Variants in TTC23L observed in about 807,000 individuals in gnomAD.
TTC23L encodes the protein tetratricopeptide repeat domain 23 like, also known as tetratricopeptide repeat protein 23-like.
TTC23L carries 42 observed loss-of-function variants against 48.1 expected under a neutral mutation model. The ratio of observed to expected loss-of-function variants is 0.87; its 90% CI spans 0.68 to 1.13. The LOEUF (loss-of-function observed/expected upper bound fraction) is 1.13, where lower values mean the gene tolerates loss of function less well. Ranked by LOEUF, TTC23L falls within the 50% of genes most tolerant of loss-of-function variation. The pLI is 0.00. For missense variants in TTC23L, 391 were observed against 421.0 expected, an observed-to-expected ratio of 0.93 and a Z score of 0.62; for synonymous variants, 159 against 157.2, an observed-to-expected ratio of 1.01 and a Z score of -0.09.
the TTC23L span, chr5:34,915,559 C>A: frequency 1.4e-6 from 1 of 715,084 alleles, no homozygotes; most frequent in Non-Finnish European, 2.2e-6. Context: ...ACCGTCACCA[C>A]AGAGCTGAAG....
chr5:34,885,372 G>A (rs996206648), intron 9 of TTC23L, among the ~76,000 whole-genome samples: 1 of 152,192 alleles, frequency 6.6e-6, no homozygotes, highest in Non-Finnish European at 1.5e-5. Flanking sequence ...TTGTATTGAT[G>A]TAAGATTTCT....
At chr5:34,879,700 T>A (rs1762087614) in intron 8 of TTC23L, among the ~76,000 whole-genome samples, 2 of 152,128 alleles carry the variant, frequency 1.3e-5, no homozygotes, top group African/African-American at 4.8e-5. Context: ...TCTGATGTCA[T>A]TAAATCACAT....
the TTC23L span, chr5:34,925,500 A>G: frequency 8.6e-5 from 138 of 1,599,444 alleles, no homozygotes; most frequent in Non-Finnish European, 1.0e-4. Context: ...AAATAAGTCA[A>G]TGGAAACCTG....
chr5:34,866,992 A>C lies in TTC23L; in HGVS notation c.763A>C (p.Ile255Leu). The C allele has an allele frequency of 1.9e-6, 3 of 1,611,892 alleles. No homozygotes were observed. The South Asian group carries it at 3.3e-5, about 18-fold the overall frequency. ...CAAGGGTGATAGGACGTCAGATCTGATCAGCCTGTACGAGGAAGCTGCTCA... is the reference window on the plus strand; with the variant it reads ...CAAGGGTGATAGGACGTCAGATCTGCTCAGCCTGTACGAGGAAGCTGCTCA... Residue 255 changes from isoleucine (I) to leucine (L), a missense_variant, in exon 7 of 11, where the codon ATC becomes CTC. By Grantham distance (5) the Ile-to-Leu change is conservative. Transcript: ENST00000505624.
At chr5:34,868,690 C>T (rs1348426188) in intron 7 of TTC23L, 16 of 469,920 alleles carry the variant, frequency 3.4e-5, no homozygotes, top group East Asian at 1.5e-4. Flanking sequence ...TGATGAGCAC[C>T]GTGCCCTGTG....
chr5:34,846,602 C>A (rs1171493976), intron 3 of TTC23L, among the ~76,000 whole-genome samples: 2 of 123,826 alleles, frequency 1.6e-5, no homozygotes, highest in African/African-American at 3.3e-5. Context: ...TATATATATA[C>A]ACACACATAT....
chr5:34,917,054 A>T, the TTC23L span, among the ~76,000 whole-genome samples: 1 of 152,314 alleles, frequency 6.6e-6, no homozygotes, highest in Admixed American at 6.5e-5. Context: ...AAGATAAAGA[A>T]TCATGAAGGA....
chr5:34,922,579 G>T, the TTC23L span: 3 of 1,606,862 alleles, frequency 1.9e-6, no homozygotes, highest in East Asian at 4.5e-5. Flanking sequence ...TAAATTCCTT[G>T]TTCAAAATAG....
chr5:34,862,993 A>C, exon 5 of TTC23L: 1 of 1,613,976 alleles, frequency 6.2e-7, no homozygotes, highest in East Asian at 2.2e-5. Context: ...GAAAGAGGAA[A>C]TCCTGGAAGC....
At chr5:34,899,057 C>A (rs1280670594) in intron 10 of TTC23L, among the ~76,000 whole-genome samples, 1 of 152,124 alleles carries the variant, frequency 6.6e-6, no homozygotes, top group Non-Finnish European at 1.5e-5. Flanking sequence ...ATATAAAAGG[C>A]CCTAAATTAG....
At chr5:34,869,194 C>T (rs1761273975) in intron 8 of TTC23L, 181 bp downstream of exon 8, 3 of 524,074 alleles carry the variant, frequency 5.7e-6, no homozygotes, top group South Asian at 2.1e-5. Context: ...CCCCCACATT[C>T]GTTGGAATGT....
chr5:34,925,515 GT>G, the TTC23L span: 1 of 1,590,176 alleles, frequency 6.3e-7, no homozygotes, highest in Non-Finnish European at 8.6e-7. Context: ...AACCTGATTT[GT>G]TTTTCAGTTA....
At chr5:34,909,217 C>A in the TTC23L span, 1 of 1,406,176 alleles carries the variant, frequency 7.1e-7, no homozygotes, top group South Asian at 1.2e-5. Context: ...TATTTAACCT[C>A]CTCTTTATCA....
chr5:34,861,776 G>A (rs1227067558), intron 4 of TTC23L, among the ~76,000 whole-genome samples: 4 of 152,210 alleles, frequency 2.6e-5, no homozygotes, highest in African/African-American at 7.2e-5. Flanking sequence ...GTGAGGATTA[G>A]GGGCACAGTG....
chr5:34,907,810 C>T, the TTC23L span: 1 of 152,126 alleles, frequency 6.6e-6, no homozygotes, highest in Non-Finnish European at 1.5e-5. Flanking sequence ...TTTGGTGATG[C>T]CTCAACTTCA....
At chr5:34,880,148 G>C in intron 8 of TTC23L, 33 bp from the exon 9 acceptor site, 2 of 1,595,144 alleles carry the variant, frequency 1.3e-6, no homozygotes, top group Non-Finnish European at 1.7e-6. Flanking sequence ...AAGGTTAGCA[G>C]CTTGCCTTAA....
intron 6 of TTC23L, among the ~76,000 whole-genome samples, chr5:34,866,228 G>C (rs563012648): frequency 6.6e-6 from 1 of 152,270 alleles, no homozygotes; most frequent in Admixed American, 6.5e-5. Context: ...CCACACAGAC[G>C]TAACTGCTAT....
chr5:34,909,321 A>T, the TTC23L span: 1 of 1,611,042 alleles, frequency 6.2e-7, no homozygotes, highest in South Asian at 1.1e-5. Flanking sequence ...GGGATAGTCA[A>T]GGTGGGAACT....
the TTC23L span, chr5:34,915,058 C>A: frequency 1.5e-6 from 1 of 668,282 alleles, no homozygotes; most frequent in Non-Finnish European, 2.5e-6. Context: ...AGGCTGAACA[C>A]GGCTGACCAG....
Sources: gnomAD v4.1 joint callset for allele counts (sites outside exome capture counted in the v4.1 genomes callset) on GRCh38, gnomAD v4.1.1 for gene constraint, MANE v1.5 for transcripts, NCBI Gene and HGNC (gene_info 2026-07-23, HGNC 2026-07-21) for gene names.